Variants in TNFAIP8 observed in about 807,000 individuals in gnomAD.
The protein encoded by TNFAIP8 is TNF alpha induced protein 8.
A neutral mutation model predicts 13.3 loss-of-function variants in TNFAIP8; 7 were observed. The observed-to-expected ratio is 0.52, with a 90% CI of 0.30 to 0.99. TNFAIP8 has a LOEUF of 0.99. TNFAIP8 is among the 50% of genes least tolerant of loss of function. The pLI is 0.07. For synonymous variants in TNFAIP8, 94 were observed against 87.6 expected, an observed-to-expected ratio of 1.07 and a Z score of -0.41; for missense variants, 258 against 236.9, an observed-to-expected ratio of 1.09 and a Z score of -0.58.
intron 1 of TNFAIP8, among the ~76,000 whole-genome samples, chr5:119,332,969 C>G (rs2112709683): frequency 6.6e-6 from 1 of 152,194 alleles, no homozygotes; most frequent in African/African-American, 2.4e-5. Flanking sequence ...ATTCTTAGTT[C>G]TCCTGAGAAC....
chr5:119,298,713 G>T (rs1430936795), intron 1 of TNFAIP8, among the ~76,000 whole-genome samples: 1 of 152,048 alleles, frequency 6.6e-6, no homozygotes, highest in African/African-American at 2.4e-5. Context: ...TTCCAACTAG[G>T]TTCCATTCTC....
upstream of TNFAIP8, chr5:119,355,169 T>A (rs1485888771): frequency 1.6e-6 from 1 of 640,716 alleles, no homozygotes; most frequent in African/African-American, 1.8e-5. Flanking sequence ...TCCGGCTTCT[T>A]TATTCTATCA....
chr5:119,300,703 C>A, intron 1 of TNFAIP8, among the ~76,000 whole-genome samples: 1 of 152,202 alleles, frequency 6.6e-6, no homozygotes, highest in East Asian at 1.9e-4. Context: ...TGCCTGAGAT[C>A]CAGCAGCTAG....
At chr5:119,386,270 G>C (rs1752668027) in intron 1 of TNFAIP8, among the ~76,000 whole-genome samples, 1 of 152,000 alleles carries the variant, frequency 6.6e-6, no homozygotes, top group Admixed American at 6.6e-5. Context: ...TATTAATGAG[G>C]GAACCAGTAA....
At chr5:119,299,005 C>A (rs375136580) in intron 1 of TNFAIP8, among the ~76,000 whole-genome samples, 1 of 152,096 alleles carries the variant, frequency 6.6e-6, no homozygotes, top group Non-Finnish European at 1.5e-5. Context: ...GTTATACATT[C>A]TTCTAAATTT....
At chr5:119,383,877 C>T (rs1752575992) in intron 1 of TNFAIP8, among the ~76,000 whole-genome samples, 1 of 152,166 alleles carries the variant, frequency 6.6e-6, no homozygotes, top group Non-Finnish European at 1.5e-5. Flanking sequence ...CTATTTCAAG[C>T]CCAGCTGGGT....
rs1749373224 is a variant in TNFAIP8, at chr5:119,300,998, C to T, written c.1+32091C>T. 1.3e-5 allele frequency among the ~76,000 whole-genome samples: 2 copies of T among 152,106 alleles called. 1 individual carries two copies. Among genetic ancestry groups the T allele is most frequent in the South Asian group, 4.1e-4 (2 of 4,826 alleles). On this transcript the variant is annotated intron_variant, in intron 1 of 1. Coordinates refer to the TNFAIP8 transcript ENST00000274456. ...AAAAGCATTACAAGTGGGCCCCAAGCTTTGATTTGAAGGTAGTGGAAACAG... is the reference window on the plus strand; with the variant it reads ...AAAAGCATTACAAGTGGGCCCCAAGTTTTGATTTGAAGGTAGTGGAAACAG...
At chr5:119,334,750 G>A (rs1326666770) in intron 1 of TNFAIP8, among the ~76,000 whole-genome samples, 1 of 151,608 alleles carries the variant, frequency 6.6e-6, no homozygotes, top group African/African-American at 2.4e-5. Flanking sequence ...ACTCCAGCCT[G>A]GTGACAGAGT....
chr5:119,276,679 G>C (rs1259762930), intron 1 of TNFAIP8, among the ~76,000 whole-genome samples: 1 of 152,176 alleles, frequency 6.6e-6, no homozygotes, highest in East Asian at 1.9e-4. Context: ...GCACAACCCT[G>C]GTGTCTCTCC....
rs1225495316 is a variant in TNFAIP8 at position 119,399,404 on chromosome 5, G to C, written c.*6023G>C. 1 of 152,144 alleles carries C rather than the reference G, an allele frequency of 6.6e-6. No individual in the cohort carries two copies. The highest frequency in any genetic ancestry group is 2.4e-5 in the African/African-American group (1 of 41,414). The allele number at this position is 152,144 out of a possible 1,614,324, so 9.4% of individuals were successfully genotyped here. A position where few individuals can be genotyped will look rare whatever the true frequency, so the allele number is the denominator to read the frequency against. On this transcript the variant is annotated 3_prime_UTR_variant, in exon 2 of 2. Coordinates refer to ENST00000504771, the MANE Select transcript of TNFAIP8 (RefSeq NM_014350.4). ...GATACAATTTTTAAAGACATGGAAG[G>C]CTCTGAGACCTCCTGAAGGCTATTC...
chr5:119,322,668 T>A (rs1750097140), intron 1 of TNFAIP8, among the ~76,000 whole-genome samples: 1 of 152,192 alleles, frequency 6.6e-6, no homozygotes, highest in African/African-American at 2.4e-5. Flanking sequence ...GTGCCCCTCC[T>A]TGGTCTTCTT....
At chr5:119,362,191 GT>G (rs1311986103) in intron 1 of TNFAIP8, among the ~76,000 whole-genome samples, 4 of 152,188 alleles carry the variant, frequency 2.6e-5, no homozygotes, top group African/African-American at 9.7e-5. Context: ...ATTCCAGCTA[GT>G]TCCTTTAAGC....
chr5:119,358,393 G>C (rs1201717645), intron 1 of TNFAIP8, among the ~76,000 whole-genome samples: 7 of 152,186 alleles, frequency 4.6e-5, no homozygotes, highest in Admixed American at 2.0e-4. Context: ...ACTTGACTCT[G>C]TGCCAGGGGT....
intron 1 of TNFAIP8, among the ~76,000 whole-genome samples, chr5:119,382,290 C>A (rs1428038023): frequency 6.6e-6 from 1 of 152,186 alleles, no homozygotes; most frequent in African/African-American, 2.4e-5. Flanking sequence ...GTTCCTGTTA[C>A]ACAATTTATG....
intron 1 of TNFAIP8, among the ~76,000 whole-genome samples, chr5:119,381,480 C>T (rs948130313): frequency 6.6e-6 from 1 of 152,026 alleles, no homozygotes; most frequent in African/African-American, 2.4e-5. Flanking sequence ...GTTGAGGCTG[C>T]AGTGAGCCAT....
intron 1 of TNFAIP8, among the ~76,000 whole-genome samples, chr5:119,375,084 A>G: frequency 6.6e-6 from 1 of 152,248 alleles, no homozygotes; most frequent in Non-Finnish European, 1.5e-5. Context: ...AAAAAACACT[A>G]TGAGGGCCCA....
At chr5:119,369,659 C>T (rs978702144) in intron 1 of TNFAIP8, among the ~76,000 whole-genome samples, 2 of 152,156 alleles carry the variant, frequency 1.3e-5, no homozygotes, top group African/African-American at 4.8e-5. Flanking sequence ...AGGCATAGGA[C>T]TGTGTTTTAC....
At chr5:119,352,978 T>C (rs779661477), upstream of TNFAIP8, among the ~76,000 whole-genome samples, 13 of 152,230 alleles carry the variant, frequency 8.5e-5, no homozygotes, top group Admixed American at 5.2e-4. Context: ...GCTACCATTT[T>C]CATTCTTCCA....
chr5:119,271,681 A>C (rs544157197), intron 1 of TNFAIP8, among the ~76,000 whole-genome samples: 1 of 152,178 alleles, frequency 6.6e-6, no homozygotes, highest in Admixed American at 6.5e-5. Flanking sequence ...CACAGGGGCC[A>C]ATCTGGATAA....
Sources: allele counts gnomAD v4.1 joint callset (sites outside exome capture counted in the v4.1 genomes callset), GRCh38; gene constraint gnomAD v4.1.1; transcripts MANE v1.5; gene names NCBI Gene and HGNC (gene_info 2026-07-23, HGNC 2026-07-21).